The following MAP4 variants were observed in gnomAD, a reference collection of about 807,000 sequenced individuals.
MAP4 encodes the protein microtubule associated protein 4.
Under a neutral mutation model 170.2 loss-of-function variants are expected in MAP4, and 76 were observed. The observed-to-expected ratio is 0.45, with a 90% CI of 0.37 to 0.54. The LOEUF (loss-of-function observed/expected upper bound fraction) is 0.54. Among genes scored for constraint, MAP4 ranks in the 20% least tolerant of loss-of-function variants. The pLI, the probability that MAP4 is intolerant of heterozygous loss-of-function variation, is 0.00. For synonymous variants in MAP4, 909 were observed against 994.5 expected (o/e 0.91, Z 1.62); for missense variants, 2,506 against 2,748.0 (o/e 0.91, Z 1.97).
At chr3:48,048,129 G>A (rs1203203344) in intron 1 of MAP4, among the ~76,000 whole-genome samples, 3 of 152,154 alleles carry the variant, frequency 2.0e-5, no homozygotes, top group African/African-American at 7.2e-5. Flanking sequence ...GAGAGAGAAA[G>A]AGAAAGTACA....
intron 2 of MAP4, among the ~76,000 whole-genome samples, chr3:47,980,467 C>G (rs2100084849): frequency 6.6e-6 from 1 of 152,126 alleles, no homozygotes; most frequent in Admixed American, 6.5e-5. Context: ...GCTGTCCAAC[C>G]CCTTAGTCCT....
intron 12 of MAP4, among the ~76,000 whole-genome samples, chr3:47,872,848 A>G (rs1410236955): frequency 2.6e-5 from 4 of 152,242 alleles, no homozygotes; most frequent in Non-Finnish European, 5.9e-5. Context: ...ATACTTGACC[A>G]AAGATTAAAC....
At chr3:47,931,656 ATTTT>A (rs35456237) in intron 3 of MAP4, among the ~76,000 whole-genome samples, 1 of 131,396 alleles carries the variant, frequency 7.6e-6, no homozygotes, top group Non-Finnish European at 1.6e-5. Context: ...TTTAAACAAA[ATTTT>A]TTTTTTTTTT....
rs772169603 is a variant in MAP4, at chr3:47,862,965, G to GTT, written c.6501+4279_6501+4280dup. ...TTGAAAATTCCCACAATAAAAAGTTGTTTTTTTTTTTTTTGGTTTTTGTTT... is the reference window on the plus strand; with the variant it reads ...TTGAAAATTCCCACAATAAAAAGTTGTTTTTTTTTTTTTTTTGGTTTTTGTTT... On this transcript the variant is annotated intron_variant, in intron 17 of 20. Coordinates refer to ENST00000683076, the MANE Select transcript of MAP4 (RefSeq NM_001385682.1). Among the ~76,000 whole-genome samples the GTT allele has an allele frequency of 5.5e-5, 7 of 128,354 alleles. No individual in the cohort carries two copies. The East Asian group carries it at 1.4e-3, about 25-fold the overall frequency. The allele number at this position is 128,354 out of a possible 152,430, so 84.2% of individuals were successfully genotyped here.
intron 1 of MAP4, among the ~76,000 whole-genome samples, chr3:48,021,458 C>G (rs1461453020): frequency 6.6e-6 from 1 of 152,104 alleles, no homozygotes; most frequent in Admixed American, 6.6e-5. Context: ...AGCAATTCTC[C>G]TGCCTCAGCC....
At chr3:47,932,853 A>G (rs902502336) in intron 3 of MAP4, among the ~76,000 whole-genome samples, 4 of 152,002 alleles carry the variant, frequency 2.6e-5, no homozygotes, top group Non-Finnish European at 5.9e-5. Context: ...TGCCTCTGCA[A>G]GAGACACCTA....
At chr3:47,907,713 T>C (rs1158940528) in intron 9 of MAP4, among the ~76,000 whole-genome samples, 2 of 152,200 alleles carry the variant, frequency 1.3e-5, no homozygotes, top group African/African-American at 4.8e-5. Flanking sequence ...AACTTTTAGA[T>C]CACTGCTGAA....
chr3:48,024,443 G>T (rs138866356), intron 1 of MAP4, among the ~76,000 whole-genome samples: 5 of 152,330 alleles, frequency 3.3e-5, no homozygotes, highest in Admixed American at 1.3e-4. Context: ...TAGAAGTTGA[G>T]ACCATGTGAG....
chr3:47,861,500 G>A (rs1037319082), intron 17 of MAP4, among the ~76,000 whole-genome samples: 3 of 151,540 alleles, frequency 2.0e-5, no homozygotes, highest in Non-Finnish European at 4.4e-5. Context: ...TTATAGGCAC[G>A]CACCACCACG....
At chr3:47,938,057 T>G (rs2100054072) in intron 3 of MAP4, among the ~76,000 whole-genome samples, 1 of 151,458 alleles carries the variant, frequency 6.6e-6, no homozygotes, top group Non-Finnish European at 1.5e-5. Flanking sequence ...CATATTTGAG[T>G]TCTTACTTTT....
At chr3:48,047,012 T>C (rs1389483416) in intron 1 of MAP4, among the ~76,000 whole-genome samples, 2 of 151,816 alleles carry the variant, frequency 1.3e-5, no homozygotes, top group Non-Finnish European at 2.9e-5. Flanking sequence ...GAGAATGGCG[T>C]GAACCCAGGA....
intron 1 of MAP4, among the ~76,000 whole-genome samples, chr3:48,084,898 T>G (rs1027411654): frequency 6.6e-6 from 1 of 151,800 alleles, no homozygotes; most frequent in African/African-American, 2.4e-5. Context: ...CGCCTCAGGC[T>G]CCCAAAGTGC....
At chr3:48,008,709 G>T (rs972741103) in intron 1 of MAP4, among the ~76,000 whole-genome samples, 3 of 152,192 alleles carry the variant, frequency 2.0e-5, no homozygotes, top group African/African-American at 4.8e-5. Context: ...TAGTGGATAG[G>T]ATGACCCATT....
intron 3 of MAP4, among the ~76,000 whole-genome samples, chr3:47,949,547 C>T (rs1025325950): frequency 6.6e-6 from 1 of 151,248 alleles, no homozygotes; most frequent in African/African-American, 2.4e-5. Flanking sequence ...AACATAGTAC[C>T]AGGAATGATG....
intron 1 of MAP4, among the ~76,000 whole-genome samples, chr3:48,084,386 TAAAAAAA>T (rs548681084): frequency 1.9e-5 from 2 of 104,422 alleles, no homozygotes; most frequent in Non-Finnish European, 4.0e-5. Context: ...ATCTCATCTC[TAAAAAAA>T]AAAAAAAAAA....
chr3:47,923,877 G>A (rs1359434917), intron 4 of MAP4, among the ~76,000 whole-genome samples: 1 of 152,112 alleles, frequency 6.6e-6, no homozygotes, highest in East Asian at 1.9e-4. Context: ...GATAGAATAT[G>A]AGAGAGATGA....
At chr3:47,915,424 G>T (rs186048766) in intron 7 of MAP4, among the ~76,000 whole-genome samples, 137 of 152,132 alleles carry the variant, frequency 9.0e-4, no homozygotes, top group Middle Eastern at 3.4e-3. Flanking sequence ...TCAATGTTTC[G>T]TTTTTTAAGA....
intron 1 of MAP4, among the ~76,000 whole-genome samples, chr3:48,059,919 G>A (rs1384609236): frequency 2.0e-5 from 3 of 151,458 alleles, no homozygotes; most frequent in Admixed American, 6.6e-5. Context: ...GATGCAGTGG[G>A]CTGAGATTGT....
Position 47,910,441 on chromosome 3 carries a change from T to G in MAP4, c.3980A>C (p.Gln1327Pro). 1 of 1,536,200 alleles carries G rather than the reference T, an allele frequency of 6.5e-7. No individual in the cohort carries two copies. Among genetic ancestry groups the G allele is most frequent in the South Asian group, 1.2e-5 (1 of 84,062 alleles). ...PPAKVTDVSC[Q>P]EQIQGAGFVP... ...AAATCCTGCCCCCTGGATTTGCTCT[T>G]GGCAGCTCACATCTGTCACCTTGGC... is the stretch of plus-strand genomic sequence containing the variant. The change falls in exon 9 of 21, where the codon CAA (glutamine) becomes CCA (proline). Residue 1327 changes from glutamine (Q) to proline (P), a missense_variant. By Grantham distance (76) the Gln-to-Pro change is moderately conservative (BLOSUM62 -1). Coordinates refer to ENST00000683076, the MANE Select transcript of MAP4 (RefSeq NM_001385682.1).
Sources: allele counts gnomAD v4.1 joint callset (sites outside exome capture counted in the v4.1 genomes callset), GRCh38; gene constraint gnomAD v4.1.1; transcripts MANE v1.5; gene names NCBI Gene and HGNC (gene_info 2026-07-23, HGNC 2026-07-21).